Variants in DMD observed in about 807,000 individuals in gnomAD.
DMD encodes the protein mutant dystrophin.
DMD carries 63 observed loss-of-function variants against 330.1 expected under a neutral mutation model. That is an observed-to-expected ratio of 0.19 (90% confidence interval 0.16 to 0.24). The LOEUF is 0.24. Ranked by LOEUF, DMD falls within the 10% of genes least tolerant of loss-of-function variation. The pLI is 1.00. For synonymous variants in DMD, 1,223 were observed against 959.8 expected (o/e 1.27, Z -5.07); for missense variants, 3,344 against 2,684.1 (o/e 1.25, Z -5.43).
intron 43 of DMD, among the ~76,000 whole-genome samples, chrX:32,249,223 G>T (rs780000588): frequency 1.3e-3 from 144 of 111,664 alleles, no homozygotes; most frequent in Non-Finnish European, 2.2e-3. Context: ...CATATGTTTT[G>T]TTTTCATCAA....
intron 2 of DMD, 99 bp from the exon 3 acceptor site, chrX:32,849,919 TAA>T (rs1017183507): frequency 1.3e-4 from 84 of 662,884 alleles, no homozygotes; most frequent in Non-Finnish European, 1.8e-4. Context: ...TATTTAAGGA[TAA>T]TTAGTGTGCA....
At chrX:32,160,357 C>T (rs1314975777) in intron 44 of DMD, among the ~76,000 whole-genome samples, 1 of 110,262 alleles carries the variant, frequency 9.1e-6, no homozygotes, top group African/African-American at 3.3e-5. Context: ...CCTCAGGCTC[C>T]TGAGTAGCTG....
intron 45 of DMD, among the ~76,000 whole-genome samples, chrX:31,956,869 G>A (rs2095251360): frequency 3.6e-5 from 4 of 112,536 alleles, no homozygotes; most frequent in African/African-American, 9.7e-5. Flanking sequence ...CCCTGATTAT[G>A]TCGAACAAAA....
At chrX:31,761,213 T>TAATAC (rs1423407097) in intron 51 of DMD, among the ~76,000 whole-genome samples, 1 of 110,953 alleles carries the variant, frequency 9.0e-6, no homozygotes. Context: ...ACTCATTATT[T>TAATAC]TCCATTTTAA....
intron 2 of DMD, among the ~76,000 whole-genome samples, chrX:32,917,159 T>TC (rs376979402): frequency 0.019 from 1,663 of 89,157 alleles, 29 homozygotes; most frequent in African/African-American, 0.047. Flanking sequence ...GTGTGGCACT[T>TC]CCCCCCCCCC....
chrX:33,123,453 G>C (rs2095437412), intron 1 of DMD, among the ~76,000 whole-genome samples: 1 of 110,742 alleles, frequency 9.0e-6, no homozygotes, highest in African/African-American at 3.3e-5. Context: ...ATCTACCTCT[G>C]TCGCCCAGGC....
chrX:31,444,745 T>C (rs2065165482), intron 59 of DMD, 118 bp from the exon 60 acceptor site: 12 of 795,105 alleles, frequency 1.5e-5, no homozygotes, highest in Non-Finnish European at 2.2e-5. Context: ...TATGCTACGG[T>C]TTGAATGTTT....
intron 76 of DMD, among the ~76,000 whole-genome samples, chrX:31,139,474 T>TACACACACACAC (rs57784155): frequency 4.1e-5 from 4 of 98,585 alleles, no homozygotes; most frequent in African/African-American, 1.5e-4. Context: ...GGTGTTTATA[T>TACACACACACAC]ACACACACAC....
At chrX:31,608,455 A>T (rs2077722369) in intron 55 of DMD, among the ~76,000 whole-genome samples, 1 of 111,945 alleles carries the variant, frequency 8.9e-6, no homozygotes, top group African/African-American at 3.2e-5. Context: ...TATTTAGGGC[A>T]GTGAACCATT....
intron 44 of DMD, among the ~76,000 whole-genome samples, chrX:32,033,629 GA>G (rs1166743243): frequency 3.9e-5 from 2 of 50,679 alleles, no homozygotes; most frequent in African/African-American, 1.2e-4. Flanking sequence ...AAGAAAGAAA[GA>G]AAGAAAGAAA....
intron 44 of DMD, among the ~76,000 whole-genome samples, chrX:32,051,724 T>C (rs1353152526): frequency 1.8e-5 from 2 of 111,261 alleles, no homozygotes; most frequent in African/African-American, 3.3e-5. Flanking sequence ...AATCAAGGCA[T>C]AGGAGTTAAG....
Position 31,340,718 on chromosome X carries a change from T to C in DMD, c.9163+7838A>G, listed in dbSNP as rs1010323367. Among the ~76,000 whole-genome samples, 4 of 112,239 alleles carry C rather than the reference T, an allele frequency of 3.6e-5. No homozygotes were observed. In the South Asian group the frequency reaches 1.5e-3, roughly 42 times the overall value. On this transcript the variant is annotated intron_variant, in intron 61 of 78. Coordinates refer to ENST00000357033, the MANE Select transcript of DMD (RefSeq NM_004006.3). ...TATTTATTGAGTGTCTACTATGTGA[T>C]AGCCACTATGCTAAATCTCATGCCT...
chrX:32,968,855 C>T (rs1209937151), intron 2 of DMD, among the ~76,000 whole-genome samples: 4 of 106,798 alleles, frequency 3.7e-5, no homozygotes, highest in Non-Finnish European at 7.7e-5. Flanking sequence ...TGGTGAAACC[C>T]CACCTCTACT....
chrX:31,321,607 A>AAAAAAAAAAAAAAAAAGAAAG (rs1388525572), intron 62 of DMD, among the ~76,000 whole-genome samples: 65 of 89,225 alleles, frequency 7.3e-4, no homozygotes, highest in African/African-American at 2.9e-3. Flanking sequence ...AAAAAAAAAA[A>AAAAAAAAAAAAAAAAAGAAAG]AAAGAAAGAA....
chrX:31,325,696 A>C (rs1442021103), intron 61 of DMD, among the ~76,000 whole-genome samples: 1 of 111,470 alleles, frequency 9.0e-6, no homozygotes, highest in African/African-American at 3.3e-5. Flanking sequence ...GGAAATATTA[A>C]AAAGCTAGCC....
At chrX:31,932,520 CG>C (rs2094869817) in intron 45 of DMD, among the ~76,000 whole-genome samples, 1 of 111,612 alleles carries the variant, frequency 9.0e-6, no homozygotes, top group Non-Finnish European at 1.9e-5. Context: ...CCGATGTGGG[CG>C]GATCACTTGA....
intron 2 of DMD, among the ~76,000 whole-genome samples, chrX:32,850,036 G>A (rs1301627862): frequency 8.9e-6 from 1 of 111,839 alleles, no homozygotes; most frequent in Non-Finnish European, 1.9e-5. Context: ...AGTTTGAATA[G>A]CAAGAGTAAG....
At chrX:32,758,014 G>A (rs887729024) in intron 7 of DMD, among the ~76,000 whole-genome samples, 2 of 111,759 alleles carry the variant, frequency 1.8e-5, no homozygotes, top group African/African-American at 6.5e-5. Context: ...TCTGAGGACA[G>A]TTCTATAAGG....
chrX:32,988,259 G>A lies in DMD; in HGVS notation c.93+31880C>T, dbSNP rs140279660. On this transcript the variant is annotated intron_variant, in intron 2 of 78. Coordinates refer to ENST00000357033, the MANE Select transcript of DMD (RefSeq NM_004006.3). ...AAAATTCTTTCTGGAATCTGAATCA[G>A]CCACACACATGTGTTTCTGACTTTA... is the stretch of plus-strand genomic sequence containing the variant. 6.0e-3 allele frequency among the ~76,000 whole-genome samples: 673 copies of A among 111,352 alleles called. 8 individuals are homozygous for A. The highest frequency in any genetic ancestry group is 0.021 in the African/African-American group (644 of 30,674).
Sources: gnomAD v4.1 joint callset for allele counts (sites outside exome capture counted in the v4.1 genomes callset) on GRCh38, gnomAD v4.1.1 for gene constraint, MANE v1.5 for transcripts, NCBI Gene and HGNC (gene_info 2026-07-23, HGNC 2026-07-21) for gene names.